The following TENM1 variants were observed in gnomAD, a reference collection of about 807,000 sequenced individuals.
TENM1 encodes the protein teneurin transmembrane protein 1, also known as teneurin-1.
In TENM1, 35 loss-of-function variants were observed where a neutral mutation model predicts 174.8. That is an observed-to-expected ratio of 0.20 (90% confidence interval 0.15 to 0.27). The LOEUF (loss-of-function observed/expected upper bound fraction) is 0.27, where lower values mean the gene tolerates loss of function less well. TENM1 is among the 10% of genes least tolerant of loss of function. TENM1 has a pLI of 1.00. For missense variants in TENM1, 1,633 were observed against 2,130.1 expected (o/e 0.77, Z 4.59); for synonymous variants, 781 against 798.7 (o/e 0.98, Z 0.37).
chrX:125,102,195 G>C, the TENM1 span, among the ~76,000 whole-genome samples: 1 of 106,161 alleles, frequency 9.4e-6, no homozygotes, highest in Non-Finnish European at 1.9e-5. Context: ...ACCCCCTAAT[G>C]TTCACCAACT....
intron 1 of TENM1, among the ~76,000 whole-genome samples, chrX:124,917,494 T>G (rs775974976): frequency 2.2e-3 from 240 of 111,428 alleles, no homozygotes; most frequent in African/African-American, 7.4e-3. Flanking sequence ...CCACATAGAC[T>G]TCCTGCTTCT....
the TENM1 span, among the ~76,000 whole-genome samples, chrX:125,073,603 T>C: frequency 6.5e-4 from 72 of 111,199 alleles, no homozygotes; most frequent in African/African-American, 2.2e-3. Context: ...TCTGTATCTG[T>C]TGATTGTCAA....
the TENM1 span, among the ~76,000 whole-genome samples, chrX:125,149,301 T>C: frequency 8.9e-6 from 1 of 112,267 alleles, no homozygotes; most frequent in Non-Finnish European, 1.9e-5. Context: ...GTCATCTTCT[T>C]TCTGGACAGC....
the TENM1 span, among the ~76,000 whole-genome samples, chrX:125,061,158 T>C: frequency 9.0e-6 from 1 of 111,334 alleles, no homozygotes; most frequent in African/African-American, 3.3e-5. Flanking sequence ...AGAGTATGTA[T>C]TTTACAGAAA....
chrX:124,847,096 T>C (rs1224007561), intron 3 of TENM1, among the ~76,000 whole-genome samples: 1 of 110,974 alleles, frequency 9.0e-6, no homozygotes, highest in African/African-American at 3.3e-5. Flanking sequence ...TTGGAGAACT[T>C]TGTGTTGAAC....
exon 32 of TENM1, chrX:124,376,770 G>GTT (rs201239840): frequency 3.8e-4 from 41 of 107,504 alleles, no homozygotes; most frequent in African/African-American, 1.3e-3. Flanking sequence ...CGCTTTTTTT[G>GTT]TTTTTTTTGT....
chrX:125,123,544 G>C, the TENM1 span, among the ~76,000 whole-genome samples: 2 of 111,701 alleles, frequency 1.8e-5, no homozygotes, highest in African/African-American at 6.5e-5. Context: ...ATGAGGTCGA[G>C]GCTGCAGTCA....
chrX:124,893,825 TGACATGGA>T (rs2057515405), intron 3 of TENM1, among the ~76,000 whole-genome samples: 1 of 111,656 alleles, frequency 9.0e-6, no homozygotes, highest in African/African-American at 3.3e-5. Flanking sequence ...TTATGATTGA[TGACATGGA>T]TAAAGTGTGA....
the TENM1 span, among the ~76,000 whole-genome samples, chrX:124,985,784 A>G: frequency 1.8e-5 from 2 of 112,298 alleles, no homozygotes; most frequent in Non-Finnish European, 3.8e-5. Context: ...AATGTAATTA[A>G]TGTTTGGGAA....
At chrX:124,970,009 T>C in the TENM1 span, among the ~76,000 whole-genome samples, 2 of 112,063 alleles carry the variant, frequency 1.8e-5, no homozygotes, top group African/African-American at 6.5e-5. Context: ...TTTCTTCCTT[T>C]GTCCTCCTCT....
the TENM1 span, among the ~76,000 whole-genome samples, chrX:125,119,232 A>G: frequency 8.9e-6 from 1 of 111,927 alleles, no homozygotes; most frequent in African/African-American, 3.2e-5. Context: ...TTTACACAAC[A>G]CTTGCACATA....
chrX:124,531,319 CCA>C (rs1281405086), intron 15 of TENM1, among the ~76,000 whole-genome samples: 13 of 109,327 alleles, frequency 1.2e-4, no homozygotes, highest in African/African-American at 3.7e-4. Flanking sequence ...AGGCTCATGG[CCA>C]CAAACATCAT....
chrX:124,567,679 C>T (rs1163901384), intron 11 of TENM1, among the ~76,000 whole-genome samples: 1 of 111,500 alleles, frequency 9.0e-6, no homozygotes, highest in African/African-American at 3.3e-5. Flanking sequence ...AAACGTGGGC[C>T]TTGGCTTAAA....
intron 1 of TENM1, among the ~76,000 whole-genome samples, chrX:124,959,914 C>T (rs746816322): frequency 3.6e-5 from 4 of 111,652 alleles, no homozygotes; most frequent in East Asian, 2.8e-4. Flanking sequence ...ACCTCTAATG[C>T]GATTCTTAGC....
intron 6 of TENM1, among the ~76,000 whole-genome samples, chrX:124,668,580 T>C (rs1264898476): frequency 9.0e-6 from 1 of 110,880 alleles, no homozygotes; most frequent in Non-Finnish European, 1.9e-5. Context: ...ACCGTCATTC[T>C]CAGCAAACTA....
At chrX:125,014,898 T>C in the TENM1 span, among the ~76,000 whole-genome samples, 2 of 112,051 alleles carry the variant, frequency 1.8e-5, no homozygotes, top group African/African-American at 6.5e-5. Context: ...AGCTTTTATG[T>C]ATATCAAAAA....
At chrX:125,128,630 G>C in the TENM1 span, among the ~76,000 whole-genome samples, 395 of 111,224 alleles carry the variant, frequency 3.6e-3, 3 homozygotes, top group African/African-American at 0.012. Context: ...CGGCTAAATA[G>C]AAAGAACTTC....
chrX:124,965,666 A>C (rs1451466225), upstream of TENM1, among the ~76,000 whole-genome samples: 1 of 109,351 alleles, frequency 9.1e-6, no homozygotes, highest in African/African-American at 3.5e-5. Context: ...GAGCATGCTT[A>C]AAGAGAAAGC....
At chrX:124,660,141 G>A (rs1446326735) in intron 6 of TENM1, among the ~76,000 whole-genome samples, 3 of 111,021 alleles carry the variant, frequency 2.7e-5, no homozygotes, top group Middle Eastern at 4.7e-3. Flanking sequence ...CTGGGAGGCC[G>A]AGACGGGTGG....
Sources: allele counts gnomAD v4.1 joint callset (sites outside exome capture counted in the v4.1 genomes callset), GRCh38; gene constraint gnomAD v4.1.1; transcripts MANE v1.5; gene names NCBI Gene and HGNC (gene_info 2026-07-23, HGNC 2026-07-21).